The following IQGAP2 variants were observed in gnomAD, a reference collection of about 807,000 sequenced individuals.
The protein encoded by IQGAP2 is ras GTPase-activating-like protein IQGAP2.
In IQGAP2, 173 loss-of-function variants were observed where a neutral mutation model predicts 201.3. The observed-to-expected ratio is 0.86, with a 90% CI of 0.76 to 0.98. IQGAP2 has a LOEUF of 0.98. IQGAP2 is among the 50% of genes least tolerant of loss of function. The pLI is 0.00. For synonymous variants in IQGAP2, 675 were observed against 673.9 expected, an observed-to-expected ratio of 1.00 and a Z score of -0.03; for missense variants, 1,687 against 1,864.8, an observed-to-expected ratio of 0.90 and a Z score of 1.76.
intron 2 of IQGAP2, among the ~76,000 whole-genome samples, chr5:76,477,846 C>T (rs973535739): frequency 1.3e-5 from 2 of 148,990 alleles, no homozygotes; most frequent in African/African-American, 5.0e-5. Flanking sequence ...GTGTTTGTGT[C>T]TTAGTTTATA....
chr5:76,651,492 A>G (rs1752508941), intron 17 of IQGAP2, among the ~76,000 whole-genome samples: 1 of 152,198 alleles, frequency 6.6e-6, no homozygotes, highest in African/African-American at 2.4e-5. Context: ...AGTCCCAGCT[A>G]TTCAGGAGTC....
At chr5:76,571,864 CA>C (rs1246909896) in intron 4 of IQGAP2, among the ~76,000 whole-genome samples, 2 of 152,082 alleles carry the variant, frequency 1.3e-5, no homozygotes, top group African/African-American at 2.4e-5. Context: ...GACCTTTTTC[CA>C]TTTTCACCAT....
intron 2 of IQGAP2, among the ~76,000 whole-genome samples, chr5:76,544,153 C>T (rs1251575559): frequency 6.6e-6 from 1 of 152,196 alleles, no homozygotes; most frequent in Non-Finnish European, 1.5e-5. Context: ...TTCCCATGGC[C>T]ATGGCACCCC....
intron 3 of IQGAP2, among the ~76,000 whole-genome samples, chr5:76,567,515 A>G (rs1487325068): frequency 6.6e-6 from 1 of 152,208 alleles, no homozygotes; most frequent in East Asian, 1.9e-4. Flanking sequence ...GGCACTTGGC[A>G]TGGTGCCTGA....
intron 9 of IQGAP2, among the ~76,000 whole-genome samples, chr5:76,593,824 G>A (rs904174432): frequency 1.3e-5 from 2 of 152,102 alleles, no homozygotes; most frequent in Non-Finnish European, 2.9e-5. Flanking sequence ...TAACATCCTC[G>A]TTGAGTTTTG....
In IQGAP2 at chr5:76,707,517, T is replaced by A. The variant is rs1389260451; in HGVS notation, c.*204T>A. On this transcript the variant is annotated 3_prime_UTR_variant, in exon 36 of 36. Coordinates refer to ENST00000274364, the MANE Select transcript of IQGAP2 (RefSeq NM_006633.5). The stretch of plus-strand genomic sequence containing the variant: ...TAGAATGAGACATAAAATGAATTAA[T>A]GGAAACATATCCACACTGTACTGTG... 1 of 544,934 alleles carries A rather than the reference T, an allele frequency of 1.8e-6. No homozygotes were observed. Among genetic ancestry groups the A allele is most frequent in the Admixed American group, 3.4e-5 (1 of 29,608 alleles). 33.8% of individuals were successfully genotyped at this position (544,934 alleles called of 1,614,324 possible).
At position 76,683,111 on chromosome 5, in the gene IQGAP2, A is replaced by G; in HGVS notation, c.3661-4A>G. ...TTTGTGTGTGTGTTGCTTTCTACAT[A>G]AAGCTCCTGTTGGAACACCAGGATG... On this transcript the variant is annotated splice_region_variant and splice_polypyrimidine_tract_variant and intron_variant, in intron 28 of 35. Coordinates refer to ENST00000274364, the MANE Select transcript of IQGAP2 (RefSeq NM_006633.5). 6.3e-7 allele frequency: 1 copy of G among 1,589,970 alleles called. No homozygotes were observed. The highest frequency in any genetic ancestry group is 8.6e-7 in the Non-Finnish European group (1 of 1,162,150).
chr5:76,658,805 C>T, intron 21 of IQGAP2, 138 bp downstream of exon 21: 2 of 774,028 alleles, frequency 2.6e-6, no homozygotes, highest in Non-Finnish European at 4.3e-6. Flanking sequence ...CATCATAGAG[C>T]ACTTACCTAA....
At chr5:76,417,609 G>C (rs1422321849) in intron 1 of IQGAP2, among the ~76,000 whole-genome samples, 1 of 150,848 alleles carries the variant, frequency 6.6e-6, no homozygotes, top group African/African-American at 2.4e-5. Flanking sequence ...TTGAGACAGG[G>C]TCTGGCTGTG....
intron 2 of IQGAP2, among the ~76,000 whole-genome samples, chr5:76,508,578 C>T (rs1303321719): frequency 2.0e-5 from 3 of 151,812 alleles, no homozygotes; most frequent in Non-Finnish European, 4.4e-5. Flanking sequence ...TTTGGTGGCT[C>T]ACCCCCATAA....
intron 1 of IQGAP2, among the ~76,000 whole-genome samples, chr5:76,458,712 G>C (rs1419459863): frequency 6.6e-6 from 1 of 152,050 alleles, no homozygotes; most frequent in African/African-American, 2.4e-5. Context: ...CTCACATGTG[G>C]CACATAGAAC....
chr5:76,618,233 G>T (rs765431749), intron 13 of IQGAP2: 1 of 1,614,170 alleles, frequency 6.2e-7, no homozygotes, highest in Admixed American at 1.7e-5. Context: ...CAAATACCCA[G>T]TTGTTCCCAT....
At chr5:76,427,892 A>T (rs1337974959) in intron 1 of IQGAP2, among the ~76,000 whole-genome samples, 1 of 152,260 alleles carries the variant, frequency 6.6e-6, no homozygotes, top group Non-Finnish European at 1.5e-5. Context: ...GGCTGCTCGC[A>T]GACCCTTCTC....
intron 2 of IQGAP2, among the ~76,000 whole-genome samples, chr5:76,542,308 T>TA (rs931250511): frequency 6.6e-6 from 1 of 152,172 alleles, no homozygotes; most frequent in African/African-American, 2.4e-5. Context: ...GAAGAACTCA[T>TA]AAAAAATCTG....
chr5:76,465,911 T>C (rs998815978), intron 2 of IQGAP2, among the ~76,000 whole-genome samples: 3 of 152,336 alleles, frequency 2.0e-5, no homozygotes, highest in African/African-American at 7.2e-5. Flanking sequence ...AGACATCTCA[T>C]GTTCATGGAT....
chr5:76,618,674 T>A (rs1201806168), intron 13 of IQGAP2: 1 of 1,506,682 alleles, frequency 6.6e-7, no homozygotes, highest in East Asian at 2.3e-5. Flanking sequence ...AACATAAATG[T>A]ATAGTTCAAG....
At chr5:76,560,257 A>C (rs1580458304) in intron 2 of IQGAP2, among the ~76,000 whole-genome samples, 2 of 151,528 alleles carry the variant, frequency 1.3e-5, no homozygotes, top group Admixed American at 6.6e-5. Context: ...GGCTCAAGCA[A>C]TCCCCCTACC....
At chr5:76,523,869 T>A (rs1758824598) in intron 2 of IQGAP2, among the ~76,000 whole-genome samples, 1 of 152,108 alleles carries the variant, frequency 6.6e-6, no homozygotes, top group South Asian at 2.1e-4. Flanking sequence ...CTGATTCGGG[T>A]GATTATCCGT....
chr5:76,488,419 T>C (rs1423706798), intron 2 of IQGAP2, among the ~76,000 whole-genome samples: 1 of 152,238 alleles, frequency 6.6e-6, no homozygotes, highest in Non-Finnish European at 1.5e-5. Context: ...CAGTTTATAA[T>C]GAATGCCTAT....
Sources: gnomAD v4.1 joint callset for allele counts (sites outside exome capture counted in the v4.1 genomes callset) on GRCh38, gnomAD v4.1.1 for gene constraint, MANE v1.5 for transcripts, NCBI Gene and HGNC (gene_info 2026-07-23, HGNC 2026-07-21) for gene names.